MEP1A: variants seen among roughly 807,000 people sequenced by gnomAD.
The protein encoded by MEP1A is N-benzoyl-L-tyrosyl-P-amino-benzoic acid hydrolase subunit alpha.
MEP1A carries 68 observed loss-of-function variants against 84.5 expected under a neutral mutation model. The ratio of observed to expected loss-of-function variants is 0.80; its 90% CI spans 0.66 to 0.98. The LOEUF is 0.98. MEP1A is among the 50% of genes least tolerant of loss of function. The pLI is 0.00. For missense variants in MEP1A, 887 were observed against 919.9 expected (o/e 0.96, Z 0.46); for synonymous variants, 337 against 336.8 (o/e 1.00, Z -0.01).
chr6:46,800,332 T>C lies in MEP1A; in HGVS notation c.262+1151T>C, dbSNP rs928485541. On this transcript the variant is annotated intron_variant, in intron 5 of 13. Transcript: ENST00000230588. The stretch of plus-strand genomic sequence containing the variant: ...TAAGGTAGTGCTTCTCAGACTTTAA[T>C]GTGCATAGGACTCAGATGAGGATCC... Among the ~76,000 whole-genome samples, 11 of 152,192 alleles carry C rather than the reference T, an allele frequency of 7.2e-5. 1 individual carries two copies. The highest frequency in any genetic ancestry group is 1.9e-4 in the African/African-American group (8 of 41,446).
intron 13 of MEP1A, among the ~76,000 whole-genome samples, chr6:46,836,216 A>G (rs745889166): frequency 1.3e-5 from 2 of 152,228 alleles, no homozygotes; most frequent in African/African-American, 2.4e-5. Flanking sequence ...TGGGACTTGC[A>G]TCTAGGTCTG....
At chr6:46,828,784 C>A (rs1439800896) in intron 9 of MEP1A, among the ~76,000 whole-genome samples, 1 of 152,176 alleles carries the variant, frequency 6.6e-6, no homozygotes, top group African/African-American at 2.4e-5. Flanking sequence ...CCTTTACATT[C>A]AGGGGAAATT....
At chr6:46,836,792 G>A (rs1768226145) in intron 13 of MEP1A, among the ~76,000 whole-genome samples, 2 of 108,968 alleles carry the variant, frequency 1.8e-5, no homozygotes, top group African/African-American at 6.9e-5. Context: ...ACTGGTCAGG[G>A]ATTTTTTTTT....
chr6:46,838,463 C>T (rs934058898), intron 13 of MEP1A, among the ~76,000 whole-genome samples: 14 of 152,158 alleles, frequency 9.2e-5, no homozygotes, highest in African/African-American at 3.4e-4. Flanking sequence ...TTCAGGGCAA[C>T]CTCGTGAGAT....
intron 6 of MEP1A, among the ~76,000 whole-genome samples, chr6:46,817,839 C>T (rs1767677560): frequency 6.6e-6 from 1 of 152,142 alleles, no homozygotes; most frequent in African/African-American, 2.4e-5. Context: ...CAGGAGATGT[C>T]TCTGTTACAG....
At position 46,832,868 on chromosome 6, in the gene MEP1A, A is replaced by G. The variant is rs188068691; in HGVS notation, c.1145-206A>G. On this transcript the variant is annotated intron_variant, in intron 10 of 13. Transcript: ENST00000230588. ...GAATGTGAATTTTAAAATAAATCAT[A>G]GTATTTTAAAAAACAATTTTTCCTT... Among the ~76,000 whole-genome samples the G allele has an allele frequency of 4.8e-3, 732 of 152,352 alleles. 7 individuals are homozygous for G. The highest frequency in any genetic ancestry group is 0.024 in the Middle Eastern group (7 of 294).
At position 46,794,452 on chromosome 6, in the gene MEP1A, A is replaced by T. The variant is rs931349663; in HGVS notation, c.145+736A>T. On this transcript the variant is annotated intron_variant, in intron 3 of 13. Transcript: ENST00000230588. ...TGTTTTCATTTTTTTGGGAAGCGAC[A>T]GGTGGCTTCTCATGGGTAGAGTGAC... Among the ~76,000 whole-genome samples, 13 of 152,342 alleles carry T rather than the reference A, an allele frequency of 8.5e-5. No individual in the cohort carries two copies. The Middle Eastern group carries it at 0.014, about 159-fold the overall frequency.
rs1184013591 is a variant in MEP1A at position 46,793,587 on chromosome 6, G to T, written c.94+11G>T. On this transcript the variant is annotated intron_variant, in intron 2 of 13. Coordinates refer to ENST00000230588, the MANE Select transcript of MEP1A (RefSeq NM_005588.3). ...TTCCTGAAGAAAATGGTAAGAATTAGTTCAAATGCACAGAGAGTGTTTTTG... is the reference window on the plus strand; with the variant it reads ...TTCCTGAAGAAAATGGTAAGAATTATTTCAAATGCACAGAGAGTGTTTTTG... 5 of 1,554,920 alleles carry T rather than the reference G, an allele frequency of 3.2e-6. No homozygotes were observed. Among genetic ancestry groups the T allele is most frequent in the Non-Finnish European group, 4.4e-6 (5 of 1,137,198 alleles).
rs370204828 is a variant in MEP1A, at chr6:46,798,961, T to C, written c.187-145T>C. ...CAAATTATCTCTCAAGGACTTCTAT[T>C]GCTTTCATAATCAAAAGACAAATTG... On this transcript the variant is annotated intron_variant, in intron 4 of 13. Transcript: ENST00000230588. 2.6e-5 allele frequency: 17 copies of C among 641,538 alleles called. 1 individual carries two copies. The highest frequency in any genetic ancestry group is 2.1e-4 in the South Asian group (11 of 51,930). The allele number at this position is 641,538 out of a possible 1,614,324, so 39.7% of individuals were successfully genotyped here. A position where few individuals can be genotyped will look rare whatever the true frequency, so the allele number is the denominator to read the frequency against.
chr6:46,799,984 G>A (rs1767157273), intron 5 of MEP1A, among the ~76,000 whole-genome samples: 1 of 152,196 alleles, frequency 6.6e-6, no homozygotes, highest in Admixed American at 6.5e-5. Flanking sequence ...AGGAGATGTA[G>A]ATTATGTTTC....
intron 9 of MEP1A, 152 bp from the exon 10 acceptor site, chr6:46,829,204 T>G (rs1768017381): frequency 1.6e-6 from 1 of 639,408 alleles, no homozygotes. Context: ...GAATATTTAC[T>G]GACAAATGTC....
chr6:46,804,784 T>TGGAA (rs1350344844), intron 5 of MEP1A, among the ~76,000 whole-genome samples: 1 of 151,876 alleles, frequency 6.6e-6, no homozygotes, highest in African/African-American at 2.4e-5. Flanking sequence ...TATGAAGAGA[T>TGGAA]GGAACACTGT....
At chr6:46,841,857 T>C (rs1768335636), downstream of MEP1A, among the ~76,000 whole-genome samples, 2 of 152,220 alleles carry the variant, frequency 1.3e-5, no homozygotes, top group African/African-American at 4.8e-5. Flanking sequence ...AACTAAATTC[T>C]GCTACACCTT....
At chr6:46,843,129 G>A (rs905941099), downstream of MEP1A, among the ~76,000 whole-genome samples, 1 of 152,154 alleles carries the variant, frequency 6.6e-6, no homozygotes, top group African/African-American at 2.4e-5. Context: ...GTAATATTTT[G>A]AGGTGGGTAT....
In MEP1A at chr6:46,839,064, C is replaced by A; in HGVS notation, c.2169C>A (p.Ile723=). 6.2e-7 allele frequency: 1 copy of A among 1,613,760 alleles called. No homozygotes were observed. The highest frequency in any genetic ancestry group is 8.5e-7 in the Non-Finnish European group (1 of 1,179,806). Residue 723 remains isoleucine (I), a synonymous_variant, in exon 14 of 14, where the codon ATC becomes ATA. Coordinates refer to ENST00000230588, the MANE Select transcript of MEP1A (RefSeq NM_005588.3). The stretch of plus-strand genomic sequence containing the variant: ...ACGGCAGTGTCCTGGGCATGGTGAT[C>A]GGAGGCACGGCTGGCGTGATCTTCT... ...QVHGSVLGMV[I]GGTAGVIFLT... is the part of the protein sequence containing the mutation.
downstream of MEP1A, among the ~76,000 whole-genome samples, chr6:46,843,711 A>G (rs1243622348): frequency 1.3e-5 from 2 of 152,194 alleles, no homozygotes; most frequent in African/African-American, 4.8e-5. Flanking sequence ...ATATGGAGGC[A>G]TTCACAAGCA....
chr6:46,840,593 C>T (rs1242878115), downstream of MEP1A, among the ~76,000 whole-genome samples: 1 of 152,168 alleles, frequency 6.6e-6, no homozygotes, highest in Non-Finnish European at 1.5e-5. Context: ...GATTGCCCAT[C>T]CAGCTAGCTG....
chr6:46,806,476 G>T (rs551632652), intron 5 of MEP1A, among the ~76,000 whole-genome samples: 2 of 152,058 alleles, frequency 1.3e-5, no homozygotes, highest in East Asian at 3.9e-4. Flanking sequence ...GTCCTTCTGG[G>T]ATTTCAATGG....
At chr6:46,832,180 C>A (rs1194399760) in intron 10 of MEP1A, among the ~76,000 whole-genome samples, 1 of 152,194 alleles carries the variant, frequency 6.6e-6, no homozygotes, top group Non-Finnish European at 1.5e-5. Context: ...ACATGACTTC[C>A]ACTTGGAAGC....
Sources: allele counts gnomAD v4.1 joint callset (sites outside exome capture counted in the v4.1 genomes callset), GRCh38; gene constraint gnomAD v4.1.1; transcripts MANE v1.5; gene names NCBI Gene and HGNC (gene_info 2026-07-23, HGNC 2026-07-21).